The following C10orf143 variants were observed in gnomAD, a reference collection of about 807,000 sequenced individuals.
The protein encoded by C10orf143 is uncharacterized protein C10orf143.
intron 1 of C10orf143, among the ~76,000 whole-genome samples, chr10:130,100,933 T>C (rs780542573): frequency 3.4e-4 from 52 of 152,090 alleles, no homozygotes; most frequent in Non-Finnish European, 6.5e-4. Flanking sequence ...CTATAATAGC[T>C]GAGGCCGGGC....
At chr10:130,083,738 G>T (rs1002333787) in intron 1 of C10orf143, among the ~76,000 whole-genome samples, 6 of 152,150 alleles carry the variant, frequency 3.9e-5, no homozygotes, top group Non-Finnish European at 4.4e-5. Context: ...ATACAGGAAG[G>T]ATATTTGAGA....
chr10:130,038,655 C>T (rs745820639), intron 3 of C10orf143, among the ~76,000 whole-genome samples: 1 of 152,182 alleles, frequency 6.6e-6, no homozygotes, highest in Non-Finnish European at 1.5e-5. Flanking sequence ...AAACACCGCC[C>T]AGGCCCTTCC....
intron 1 of C10orf143, among the ~76,000 whole-genome samples, chr10:130,103,384 G>C (rs1297485761): frequency 6.6e-6 from 1 of 152,136 alleles, no homozygotes; most frequent in Non-Finnish European, 1.5e-5. Flanking sequence ...CAGCTACTTG[G>C]GATGCTGAGG....
intron 3 of C10orf143, among the ~76,000 whole-genome samples, chr10:130,076,460 G>A (rs1388523476): frequency 6.6e-6 from 1 of 152,168 alleles, no homozygotes; most frequent in Non-Finnish European, 1.5e-5. Flanking sequence ...CAGGCAACAG[G>A]CTGACCAGTG....
At chr10:130,104,743 G>A (rs1861612459) in intron 1 of C10orf143, 1 of 152,178 alleles carries the variant, frequency 6.6e-6, no homozygotes. Context: ...CCTGAAGCCT[G>A]GCACTCCATT....
At chr10:130,089,848 C>T (rs11017074) in intron 1 of C10orf143, among the ~76,000 whole-genome samples, 5,614 of 152,132 alleles carry the variant, frequency 0.037, 241 homozygotes, top group East Asian at 0.23. Flanking sequence ...ATTCAATATC[C>T]ACATGTAAAA....
chr10:130,073,539 G>T (rs1861066551), intron 3 of C10orf143, among the ~76,000 whole-genome samples: 1 of 151,998 alleles, frequency 6.6e-6, no homozygotes, highest in Admixed American at 6.6e-5. Flanking sequence ...CCAGACCCAG[G>T]AACGGCCACT....
At chr10:130,040,809 T>G (rs1860598022) in intron 3 of C10orf143, among the ~76,000 whole-genome samples, 3 of 144,964 alleles carry the variant, frequency 2.1e-5, no homozygotes, top group Non-Finnish European at 3.0e-5. Context: ...GGTGAAAGAG[T>G]GAAACTCTGT....
chr10:130,086,261 C>T (rs1195361022), intron 1 of C10orf143, among the ~76,000 whole-genome samples: 1 of 152,212 alleles, frequency 6.6e-6, no homozygotes, highest in East Asian at 1.9e-4. Flanking sequence ...CTTCTCCACA[C>T]AAACGTACTC....
At chr10:130,091,751 C>T (rs1384064712) in intron 1 of C10orf143, among the ~76,000 whole-genome samples, 2 of 152,080 alleles carry the variant, frequency 1.3e-5, no homozygotes, top group South Asian at 2.1e-4. Flanking sequence ...AAACACAGCA[C>T]GAGAACTTCA....
chr10:130,037,772 G>A (rs1860561409), intron 3 of C10orf143, among the ~76,000 whole-genome samples: 1 of 152,224 alleles, frequency 6.6e-6, no homozygotes, highest in African/African-American at 2.4e-5. Flanking sequence ...CATGATCCCA[G>A]CTAACCCACT....
At chr10:130,110,344 T>C (rs1393765172) in intron 1 of C10orf143, among the ~76,000 whole-genome samples, 1 of 152,188 alleles carries the variant, frequency 6.6e-6, no homozygotes, top group African/African-American at 2.4e-5. Context: ...AACAGTCAGG[T>C]GTAGACGGCA....
intron 1 of C10orf143, chr10:130,106,291 TTCTGGACTAATTGAAGAAAAATGTAAA>T: frequency 6.3e-7 from 1 of 1,584,190 alleles, no homozygotes; most frequent in East Asian, 2.3e-5. Context: ...CTATAATGCT[TTCTGGACTAATTGAAGAAAAATGTAAA>T]CTACTTGAAA....
At chr10:130,099,843 T>TA (rs1861519527) in intron 1 of C10orf143, among the ~76,000 whole-genome samples, 1 of 113,576 alleles carries the variant, frequency 8.8e-6, no homozygotes, top group Admixed American at 1.1e-4. Context: ...ATTTTTTCTT[T>TA]ATTTTTTTTT....
intron 1 of C10orf143, among the ~76,000 whole-genome samples, chr10:130,098,170 A>G (rs1224431766): frequency 2.6e-5 from 4 of 152,078 alleles, no homozygotes; most frequent in African/African-American, 9.7e-5. Flanking sequence ...TAAAAATACA[A>G]AAATCAGCTG....
At chr10:130,042,767 G>A (rs1055301220) in intron 3 of C10orf143, among the ~76,000 whole-genome samples, 1 of 152,240 alleles carries the variant, frequency 6.6e-6, no homozygotes, top group African/African-American at 2.4e-5. Flanking sequence ...TGAGAAAGGT[G>A]GAAACTGAAA....
intron 3 of C10orf143, among the ~76,000 whole-genome samples, chr10:130,075,877 T>C (rs2134761557): frequency 6.6e-6 from 1 of 152,302 alleles, no homozygotes; most frequent in Non-Finnish European, 1.5e-5. Context: ...CTCCCAGCCA[T>C]GCTTCCTGTA....
intron 3 of C10orf143, among the ~76,000 whole-genome samples, chr10:130,046,584 C>T (rs1860675748): frequency 6.6e-6 from 1 of 152,230 alleles, no homozygotes; most frequent in Admixed American, 6.5e-5. Flanking sequence ...TTAATTTTTA[C>T]ATTTTAATCA....
At chr10:130,107,531 C>G in intron 1 of C10orf143, 1 of 1,349,008 alleles carries the variant, frequency 7.4e-7, no homozygotes, top group Non-Finnish European at 1.1e-6. Flanking sequence ...AATAAAACTT[C>G]TAAAAAAAGA....
Sources: allele counts gnomAD v4.1 joint callset (sites outside exome capture counted in the v4.1 genomes callset), GRCh38; gene constraint gnomAD v4.1.1; transcripts MANE v1.5; gene names NCBI Gene and HGNC (gene_info 2026-07-23, HGNC 2026-07-21).